Variants in PTCH2 observed in about 807,000 individuals in gnomAD.
PTCH2 encodes the protein patched 2, also known as protein patched homolog 2.
Under a neutral mutation model 117.9 loss-of-function variants are expected in PTCH2, and 96 were observed. The ratio of observed to expected loss-of-function variants is 0.81; its 90% CI spans 0.69 to 0.96. The LOEUF (loss-of-function observed/expected upper bound fraction) is 0.96, where lower values mean the gene tolerates loss of function less well. Among genes scored for constraint, PTCH2 ranks in the 50% least tolerant of loss-of-function variants. PTCH2 has a pLI of 0.00. For missense variants in PTCH2, 1,379 were observed against 1,562.5 expected (o/e 0.88, Z 1.98); for synonymous variants, 615 against 660.9 (o/e 0.93, Z 1.06).
At chr1:44,835,238 G>A (rs1032102886) in intron 2 of PTCH2, among the ~76,000 whole-genome samples, 1 of 151,946 alleles carries the variant, frequency 6.6e-6, no homozygotes, top group African/African-American at 2.4e-5. Context: ...TGTATTTTTT[G>A]TAGAGACAGG....
At chr1:44,821,420 C>T (rs1652906852), downstream of PTCH2, among the ~76,000 whole-genome samples, 1 of 152,256 alleles carries the variant, frequency 6.6e-6, no homozygotes, top group Admixed American at 6.5e-5. Flanking sequence ...AGGCCTTTGC[C>T]TTGGAGGTTG....
Position 44,828,869 on chromosome 1 carries a change from G to C in PTCH2, c.1464+113C>G, listed in dbSNP as rs116201385. Reference sequence around the variant, plus strand: ...AGCACTATTATTTCCCCTGTTTACAGATGGGGACAAGAGGCACCGAGGTTC... The same window carrying C: ...AGCACTATTATTTCCCCTGTTTACACATGGGGACAAGAGGCACCGAGGTTC... On this transcript the variant is annotated intron_variant, in intron 11 of 21. Transcript: ENST00000372192. 760 of 1,281,166 alleles carry C rather than the reference G, an allele frequency of 5.9e-4. 3 individuals are homozygous for C. In the African/African-American group the frequency reaches 9.8e-3, roughly 17 times the overall value. The allele number at this position is 1,281,166 out of a possible 1,614,324, so 79.4% of individuals were successfully genotyped here.
In PTCH2 at chr1:44,828,257, G is replaced by A. The variant is rs752135603; in HGVS notation, c.1709+39C>T. 47 of 1,612,786 alleles carry A rather than the reference G, an allele frequency of 2.9e-5. 1 individual carries two copies. The Middle Eastern group carries it at 9.9e-4, about 34-fold the overall frequency. On this transcript the variant is annotated intron_variant, in intron 13 of 21. Transcript: ENST00000372192. ...AATGCTGGTGAGGGGACAGGCTGGC[G>A]TGGGTCACGGGAGGAAGGGGCTGGG...
intron 2 of PTCH2, among the ~76,000 whole-genome samples, chr1:44,839,607 G>A (rs771589557): frequency 1.3e-5 from 2 of 152,098 alleles, no homozygotes; most frequent in African/African-American, 2.4e-5. Flanking sequence ...TGGGGAGAAT[G>A]TGGGGAATGG....
At position 44,826,452 on chromosome 1, in the gene PTCH2, TG is replaced by T. The variant is rs1450640362; in HGVS notation, c.2976+35del. 6.2e-7 allele frequency: 1 copy of T among 1,611,446 alleles called. No homozygotes were observed. The highest frequency in any genetic ancestry group is 2.2e-5 in the East Asian group (1 of 44,788). On this transcript the variant is annotated intron_variant, in intron 18 of 21. Coordinates refer to ENST00000372192, the MANE Select transcript of PTCH2 (RefSeq NM_003738.5). The surrounding 1 kb of genome is among the most constrained non-coding windows in gnomAD (Gnocchi z 5.1). ...GGATGACAGGCTGGGCAGGGAAGGG[TG>T]GGGTGTCTCTGTCCCCACTCCTGCA...
rs765650749 is a variant in PTCH2, at chr1:44,823,055, G to A, written c.3357+14C>T. The A allele has an allele frequency of 1.4e-5, 23 of 1,610,444 alleles. No individual in the cohort carries two copies. Among genetic ancestry groups the A allele is most frequent in the East Asian group, 8.9e-5 (4 of 44,774 alleles). The stretch of plus-strand genomic sequence containing the variant: ...GGGCTGGGAGTAGAGGGATGGTGCC[G>A]AGGGTGTGGTCACCTCTGGCGGCGG... On this transcript the variant is annotated intron_variant, in intron 21 of 21. Coordinates refer to ENST00000372192, the MANE Select transcript of PTCH2 (RefSeq NM_003738.5). This position sits in a 1 kb window ranked among gnomAD's most constrained non-coding sequence, Gnocchi z 5.1.
At chr1:44,839,630 G>A (rs1653853303) in intron 2 of PTCH2, among the ~76,000 whole-genome samples, 1 of 152,138 alleles carries the variant, frequency 6.6e-6, no homozygotes, top group East Asian at 1.9e-4. Context: ...AGGGAGGAAG[G>A]GAAGGGAGAC....
At chr1:44,838,081 C>CAAAA (rs1385110706) in intron 2 of PTCH2, among the ~76,000 whole-genome samples, 1 of 84,622 alleles carries the variant, frequency 1.2e-5, no homozygotes, top group African/African-American at 4.5e-5. Context: ...GACTCCGTCT[C>CAAAA]AAAAAAAAAA....
In PTCH2 at chr1:44,843,222, A is replaced by T. The variant is rs1654029487; in HGVS notation, c.-290T>A. On this transcript the variant is annotated 5_prime_UTR_variant, in exon 1 of 22. Transcript: ENST00000372192. ...GCGCGCAGGCGGAATTGCTGGCCCG[A>T]GACGCACAGCAGGGCTCGAGGTGGC... The T allele has an allele frequency of 1.0e-6, 1 of 985,238 alleles. No individual in the cohort carries two copies. Among genetic ancestry groups the T allele is most frequent in the African/African-American group, 1.7e-5 (1 of 57,216 alleles). 61.0% of individuals were successfully genotyped at this position (985,238 alleles called of 1,614,324 possible). A position where few individuals can be genotyped will look rare whatever the true frequency, so the allele number is the denominator to read the frequency against.
In PTCH2 at chr1:44,822,398, G is replaced by C. The variant is rs775387958; in HGVS notation, c.*17C>G. 2.5e-6 allele frequency: 4 copies of C among 1,613,384 alleles called. No homozygotes were observed. The highest frequency in any genetic ancestry group is 2.7e-5 in the African/African-American group (2 of 75,048). ...CCCACACGCCCCACACATGGTCTCT[G>C]TGCTTCAGCTGCTCTTTCACCCAGT... is the stretch of plus-strand genomic sequence containing the variant. On this transcript the variant is annotated 3_prime_UTR_variant, in exon 22 of 22. Coordinates refer to ENST00000372192, the MANE Select transcript of PTCH2 (RefSeq NM_003738.5).
At chr1:44,840,101 ATT>A (rs1161806201) in intron 2 of PTCH2, among the ~76,000 whole-genome samples, 31 of 132,280 alleles carry the variant, frequency 2.3e-4, no homozygotes, top group East Asian at 4.4e-4. Flanking sequence ...TCATGCTGAA[ATT>A]TTTTTTTTTT....
Position 44,842,757 on chromosome 1 carries a change from C to A in PTCH2, c.72+104G>T, listed in dbSNP as rs577179163. The stretch of plus-strand genomic sequence containing the variant: ...GTGCTGGCTCTCACTTGCCTTCAGA[C>A]ATCTAATGACACTCGGCACTTCAAG... On this transcript the variant is annotated intron_variant, in intron 1 of 21. Coordinates refer to ENST00000372192, the MANE Select transcript of PTCH2 (RefSeq NM_003738.5). 5.6e-5 allele frequency: 66 copies of A among 1,184,824 alleles called. No homozygotes were observed. The African/African-American group carries it at 8.7e-4, about 16-fold the overall frequency. The allele number at this position is 1,184,824 out of a possible 1,614,324, so 73.4% of individuals were successfully genotyped here.
chr1:44,831,974 C>G lies in PTCH2; in HGVS notation c.525+1G>C. The G allele has an allele frequency of 1.2e-6, 2 of 1,610,958 alleles. No homozygotes were observed. Among genetic ancestry groups the G allele is most frequent in the East Asian group, 4.5e-5 (2 of 44,846 alleles). On this transcript the variant is annotated splice_donor_variant, in intron 4 of 21. Coordinates refer to ENST00000372192, the MANE Select transcript of PTCH2 (RefSeq NM_003738.5). LOFTEE classifies it high-confidence loss of function. The surrounding 1 kb of genome is among the most constrained non-coding windows in gnomAD (Gnocchi z 4.3). ...CCTCTACTCCCTCTCAGGACACTTA[C>G]CCGCTCAATCATTCCATTTTCAATA...
chr1:44,830,596 A>AAAAAAAAAAAAAAAAAAAAAAAAAAAAC (rs1653393918), intron 6 of PTCH2, among the ~76,000 whole-genome samples: 1 of 150,228 alleles, frequency 6.7e-6, no homozygotes, highest in African/African-American at 2.5e-5. Context: ...TCAAAAAAAA[A>AAAAAAAAAAAAAAAAAAAAAAAAAAAAC]AAAAAAAAGA....
At chr1:44,833,669 T>G (rs375248209) in intron 2 of PTCH2, among the ~76,000 whole-genome samples, 22 of 152,092 alleles carry the variant, frequency 1.4e-4, no homozygotes, top group African/African-American at 4.1e-4. Context: ...TTTTTGTGGC[T>G]CACTGCAACG....
chr1:44,828,513 G>A lies in PTCH2; in HGVS notation c.1583C>T (p.Ser528Phe), dbSNP rs746773302. The A allele has an allele frequency of 1.9e-6, 3 of 1,614,074 alleles. No individual in the cohort carries two copies. Among genetic ancestry groups the A allele is most frequent in the South Asian group, 1.1e-5 (1 of 91,092 alleles). The change falls in exon 12 of 22, where the codon TCC becomes TTC. Residue 528 changes from serine (S) to phenylalanine (F), a missense_variant. Coordinates refer to ENST00000372192, the MANE Select transcript of PTCH2 (RefSeq NM_003738.5). Reference sequence around the variant, plus strand: ...CCGTGTGAGAGGCCTCACCTGTAGGGAGAAGGCTCGCAGCGCAGGGATGGG... The same window carrying A: ...CCGTGTGAGAGGCCTCACCTGTAGGAAGAAGGCTCGCAGCGCAGGGATGGG... ...LVPIPALRAF[S>F]LQAAIVVGCT...
At chr1:44,820,194 T>G (rs1283883311), downstream of PTCH2, 5 of 353,646 alleles carry the variant, frequency 1.4e-5, no homozygotes, top group East Asian at 3.0e-4. Flanking sequence ...CTTTTCGTGG[T>G]GCACCATGGG....
chr1:44,833,511 A>T (rs1244804345), intron 2 of PTCH2, among the ~76,000 whole-genome samples: 1 of 146,572 alleles, frequency 6.8e-6, no homozygotes, highest in African/African-American at 2.6e-5. Context: ...ATCATAGCTC[A>T]CTATAGCTTC....
In PTCH2 at chr1:44,826,579, C is replaced by T. The variant is rs1653154755; in HGVS notation, c.2885G>A (p.Arg962His). The T allele has an allele frequency of 2.5e-6, 4 of 1,613,142 alleles. No homozygotes were observed. The highest frequency in any genetic ancestry group is 2.2e-5 in the East Asian group (1 of 44,882). ...GATGCAGACGGCCAGCAGGAAGCAG[C>T]GCCGCAGGCCCAGATACTGTTCCCA... ...LFWEQYLGLR[R>H]CFLLAVCILL... Residue 962 changes from arginine (R) to histidine (H), a missense_variant, in exon 18 of 22, where the codon CGC (arginine) becomes CAC (histidine). By Grantham distance (29) the Arg-to-His change is conservative. Coordinates refer to ENST00000372192, the MANE Select transcript of PTCH2 (RefSeq NM_003738.5). This position sits in a 1 kb window ranked among gnomAD's most constrained non-coding sequence, Gnocchi z 5.1.
Sources: allele counts gnomAD v4.1 joint callset (sites outside exome capture counted in the v4.1 genomes callset), GRCh38; gene constraint gnomAD v4.1.1; non-coding constraint Gnocchi (gnomAD v3.1); transcripts MANE v1.5; gene names NCBI Gene and HGNC (gene_info 2026-07-23, HGNC 2026-07-21).